The following BLTP2 variants were observed in gnomAD, a reference collection of about 807,000 sequenced individuals.
BLTP2 encodes U937-associated antigen.
chr17:28,637,775 G>T, the BLTP2 span: 2 of 1,541,032 alleles, frequency 1.3e-6, no homozygotes, highest in South Asian at 1.2e-5. Context: ...GGGTTGAAGT[G>T]ATTCTCCTGC....
the BLTP2 span, chr17:28,635,479 G>A: frequency 2.4e-5 from 38 of 1,614,088 alleles, no homozygotes; most frequent in Non-Finnish European, 3.2e-5. Flanking sequence ...TAGTGCAAGG[G>A]ATGGTACAGT....
At chr17:28,615,264 A>C in the BLTP2 span, 1 of 1,577,802 alleles carries the variant, frequency 6.3e-7, no homozygotes, top group Non-Finnish European at 8.6e-7. Context: ...ATTGGAGAGG[A>C]GTAAAAGAAA....
At chr17:28,638,604 G>A in the BLTP2 span, 7 of 1,613,478 alleles carry the variant, frequency 4.3e-6, 1 homozygote, top group South Asian at 6.6e-5. Flanking sequence ...GGAGATGGAG[G>A]TGCTAAAGAT....
At chr17:28,622,726 A>G in the BLTP2 span, among the ~76,000 whole-genome samples, 13 of 152,356 alleles carry the variant, frequency 8.5e-5, no homozygotes, top group African/African-American at 2.9e-4. Context: ...CACGCAATGC[A>G]AAGACAGGCT....
chr17:28,638,291 A>G, the BLTP2 span: 2 of 1,613,170 alleles, frequency 1.2e-6, no homozygotes, highest in African/African-American at 2.7e-5. Flanking sequence ...CCTCACCCCA[A>G]ACATGCATAT....
the BLTP2 span, chr17:28,632,829 C>T: frequency 2.5e-5 from 19 of 753,374 alleles, no homozygotes; most frequent in Middle Eastern, 4.0e-4. Context: ...CCTAGATTCT[C>T]CCTTGCCCTT....
chr17:28,632,544 A>AT, the BLTP2 span, among the ~76,000 whole-genome samples: 2 of 152,078 alleles, frequency 1.3e-5, no homozygotes, highest in African/African-American at 4.8e-5. Flanking sequence ...CATGAATAGG[A>AT]TTAGTGCCCT....
the BLTP2 span, chr17:28,638,065 G>T: frequency 6.2e-7 from 1 of 1,614,068 alleles, no homozygotes; most frequent in Admixed American, 1.7e-5. Flanking sequence ...ACTGGGTGCT[G>T]GACAGGCCCA....
At chr17:28,616,396 A>G in the BLTP2 span, 1 of 1,614,040 alleles carries the variant, frequency 6.2e-7, no homozygotes, top group Admixed American at 1.7e-5. This position sits in a 1 kb window ranked among gnomAD's most constrained non-coding sequence, Gnocchi z 4.8. Context: ...GATTTGCGAA[A>G]TGACCTTCTG....
At chr17:28,644,170 A>C in the BLTP2 span, 1 of 1,613,706 alleles carries the variant, frequency 6.2e-7, no homozygotes, top group Non-Finnish European at 8.5e-7. Context: ...CTTGGTGGCC[A>C]ACCGGACCAC....
At chr17:28,640,011 G>A in the BLTP2 span, 1 of 1,613,776 alleles carries the variant, frequency 6.2e-7, no homozygotes, top group Non-Finnish European at 8.5e-7. Flanking sequence ...CAGCTTCAGA[G>A]TCCAAGTCAG....
the BLTP2 span, among the ~76,000 whole-genome samples, chr17:28,629,849 G>A: frequency 6.6e-6 from 1 of 151,836 alleles, no homozygotes; most frequent in Admixed American, 6.6e-5. Context: ...TCCTGACCTC[G>A]ACTGATCCAT....
At chr17:28,639,744 C>A in the BLTP2 span, 2 of 1,417,796 alleles carry the variant, frequency 1.4e-6, no homozygotes, top group South Asian at 2.3e-5. Flanking sequence ...AGACTGTCAT[C>A]AAAACTTGTG....
chr17:28,617,322 TAA>T, the BLTP2 span: 1 of 1,611,594 alleles, frequency 6.2e-7, no homozygotes, highest in Non-Finnish European at 8.5e-7. Flanking sequence ...TATTCACCTA[TAA>T]AGACAGATTT....
chr17:28,634,066 G>A, the BLTP2 span: 8 of 1,614,106 alleles, frequency 5.0e-6, no homozygotes, highest in South Asian at 1.1e-5. Flanking sequence ...AACAGGTACC[G>A]TGGATAGTCC....
the BLTP2 span, among the ~76,000 whole-genome samples, chr17:28,627,608 C>T: frequency 6.6e-6 from 1 of 152,060 alleles, no homozygotes; most frequent in Non-Finnish European, 1.5e-5. Context: ...GGGGTTTCAC[C>T]GTGTTAGCCA....
chr17:28,638,923 C>G, the BLTP2 span: 1 of 431,994 alleles, frequency 2.3e-6, no homozygotes, highest in African/African-American at 2.0e-5. Context: ...ACGCTTGAAC[C>G]TAAAATAACC....
chr17:28,615,548 T>G, the BLTP2 span: 3 of 1,324,278 alleles, frequency 2.3e-6, no homozygotes. Context: ...ACTCACTTCA[T>G]GCACCTGCCC....
At chr17:28,628,656 C>T in the BLTP2 span, 1 of 1,006,992 alleles carries the variant, frequency 9.9e-7, no homozygotes, top group East Asian at 2.5e-5. Context: ...ACCTGTTGGC[C>T]AGATGCCATG....
Sources: gnomAD v4.1 joint callset for allele counts (sites outside exome capture counted in the v4.1 genomes callset) on GRCh38, gnomAD v4.1.1 for gene constraint, Gnocchi (gnomAD v3.1) non-coding constraint, MANE v1.5 for transcripts, NCBI Gene and HGNC (gene_info 2026-07-23, HGNC 2026-07-21) for gene names.